EEF1E1: variants seen among roughly 807,000 people sequenced by gnomAD.
The protein encoded by EEF1E1 is eukaryotic translation elongation factor 1 epsilon 1.
Under a neutral mutation model 19.9 loss-of-function variants are expected in EEF1E1, and 19 were observed. The ratio of observed to expected loss-of-function variants is 0.95; its 90% CI spans 0.66 to 1.40. The LOEUF (loss-of-function observed/expected upper bound fraction) is 1.40. Among genes scored for constraint, EEF1E1 ranks in the 40% most tolerant of loss-of-function variants. EEF1E1 has a pLI of 0.00. For missense variants in EEF1E1, 198 were observed against 202.2 expected (o/e 0.98, Z 0.13); for synonymous variants, 81 against 80.0 (o/e 1.01, Z -0.07).
downstream of EEF1E1, among the ~76,000 whole-genome samples, chr6:8,075,880 T>C (rs1016193712): frequency 6.6e-6 from 1 of 152,222 alleles, no homozygotes; most frequent in African/African-American, 2.4e-5. Context: ...TATGTAATAG[T>C]CTAAATCCTT....
chr6:8,090,324 GTAA>G (rs1318439331), intron 2 of EEF1E1, 43 bp from the exon 3 acceptor site: 1 of 1,314,746 alleles, frequency 7.6e-7, no homozygotes, highest in East Asian at 3.1e-5. Flanking sequence ...GTAAAAAACA[GTAA>G]TAATAAAGTT....
chr6:8,079,824 G>C lies in EEF1E1; in HGVS notation c.*66C>G. On this transcript the variant is annotated 3_prime_UTR_variant, in exon 4 of 4. Transcript: ENST00000379715. ...CTGTATATTAATTTACATTAGTCCTGTGGTCTAGAGTACATTTTCCATTTA... is the reference window on the plus strand; with the variant it reads ...CTGTATATTAATTTACATTAGTCCTCTGGTCTAGAGTACATTTTCCATTTA... 3 of 1,522,868 alleles carry C rather than the reference G, an allele frequency of 2.0e-6. No individual in the cohort carries two copies. Among genetic ancestry groups the C allele is most frequent in the Non-Finnish European group, 2.7e-6 (3 of 1,129,886 alleles). The allele number at this position is 1,522,868 out of a possible 1,614,324, so 94.3% of individuals were successfully genotyped here.
chr6:8,095,349 A>T (rs1471002301), intron 2 of EEF1E1: 1 of 425,280 alleles, frequency 2.4e-6, no homozygotes, highest in Non-Finnish European at 4.7e-6. Context: ...AAAAACACAA[A>T]AAAACGAGCC....
intron 2 of EEF1E1, among the ~76,000 whole-genome samples, chr6:8,093,048 T>A (rs1758063275): frequency 6.6e-6 from 1 of 152,128 alleles, no homozygotes; most frequent in African/African-American, 2.4e-5. Context: ...ATTTTTTGTA[T>A]TTTTAGTGGA....
downstream of EEF1E1, among the ~76,000 whole-genome samples, chr6:8,075,509 T>C (rs1242482972): frequency 6.6e-6 from 1 of 152,230 alleles, no homozygotes; most frequent in Non-Finnish European, 1.5e-5. Context: ...GTCTATTCGG[T>C]GTACAACAGC....
chr6:8,078,539 C>G (rs114165363), downstream of EEF1E1: 18 of 663,702 alleles, frequency 2.7e-5, no homozygotes, highest in African/African-American at 3.4e-4. Context: ...CACAAGCCGA[C>G]GGAAAAATGG....
intron 2 of EEF1E1, among the ~76,000 whole-genome samples, chr6:8,093,963 A>T (rs1018644340): frequency 1.3e-5 from 2 of 151,956 alleles, no homozygotes; most frequent in East Asian, 3.9e-4. Context: ...ACGCCCAGCT[A>T]ATTTTTCTGT....
In EEF1E1 at chr6:8,102,514, G is replaced by C; in HGVS notation, c.8C>G (p.Ala3Gly). Residue 3 changes from alanine to glycine, a missense_variant, in exon 1 of 4, where the codon GCG (alanine) becomes GGG (glycine). Physicochemically the swap from Ala to Gly is moderately conservative, Grantham distance 60 (BLOSUM62 0). Coordinates refer to ENST00000379715, the MANE Select transcript of EEF1E1 (RefSeq NM_004280.5). The stretch of plus-strand genomic sequence containing the variant: ...CTCCAGTAGCGACAACTCTGCGGCC[G>C]CCGCCATCTTCCGGCCGTAGCTCCT... MA[A>G]AAELSLLEKS... 6.2e-7 allele frequency: 1 copy of C among 1,610,472 alleles called. No individual in the cohort carries two copies. Among genetic ancestry groups the C allele is most frequent in the Non-Finnish European group, 8.5e-7 (1 of 1,179,880 alleles).
At position 8,079,835 on chromosome 6, in the gene EEF1E1, T is replaced by C. The variant is rs1451816501; in HGVS notation, c.*55A>G. The C allele has an allele frequency of 1.3e-6, 2 of 1,577,042 alleles. No homozygotes were observed. The highest frequency in any genetic ancestry group is 8.6e-7 in the Non-Finnish European group (1 of 1,159,198). ...TTTACATTAGTCCTGTGGTCTAGAG[T>C]ACATTTTCCATTTAAAACATTTTTA... On this transcript the variant is annotated 3_prime_UTR_variant, in exon 4 of 4. Transcript: ENST00000379715.
intron 3 of EEF1E1, 25 bp from the exon 4 acceptor site, chr6:8,080,055 C>T: frequency 2.5e-6 from 4 of 1,610,198 alleles, no homozygotes; most frequent in Non-Finnish European, 3.4e-6. Context: ...AAAACATACA[C>T]ACACAACACA....
intron 3 of EEF1E1, among the ~76,000 whole-genome samples, chr6:8,085,343 G>A (rs1385203107): frequency 5.3e-5 from 8 of 151,644 alleles, no homozygotes; most frequent in African/African-American, 1.2e-4. Context: ...AAATAGAGAC[G>A]GGTTTTGCCC....
At chr6:8,077,677 A>C (rs1445682854), downstream of EEF1E1, among the ~76,000 whole-genome samples, 1 of 152,208 alleles carries the variant, frequency 6.6e-6, no homozygotes, top group Non-Finnish European at 1.5e-5. Context: ...CCCCTGGATT[A>C]AGAGAATGTT....
chr6:8,086,892 G>C (rs1757872076), intron 3 of EEF1E1, among the ~76,000 whole-genome samples: 1 of 152,148 alleles, frequency 6.6e-6, no homozygotes, highest in African/African-American at 2.4e-5. Flanking sequence ...GAGTCAAACA[G>C]CTTATAATTT....
chr6:8,094,394 C>A (rs1365548510), intron 2 of EEF1E1, among the ~76,000 whole-genome samples: 4 of 151,534 alleles, frequency 2.6e-5, no homozygotes, highest in African/African-American at 9.7e-5. Flanking sequence ...GTTAGGAATT[C>A]GAGATCAGCC....
In EEF1E1 at chr6:8,074,181, G is replaced by C. The variant is rs1036686145; in HGVS notation, c.385-671C>G. 5.3e-5 allele frequency among the ~76,000 whole-genome samples: 8 copies of C among 152,266 alleles called. No individual in the cohort carries two copies. The East Asian group carries it at 9.6e-4, about 18-fold the overall frequency. ...GAATGGAAACCACTCGTTCAGCATG[G>C]AGTAGCAAAAACAGGAGCTGGATGC... On this transcript the variant is annotated intron_variant, in intron 3 of 3. Transcript: ENST00000429723.
intron 1 of EEF1E1, among the ~76,000 whole-genome samples, chr6:8,098,499 A>T (rs1758237974): frequency 1.3e-5 from 2 of 152,226 alleles, no homozygotes; most frequent in Non-Finnish European, 2.9e-5. Flanking sequence ...TTGGTGAAGT[A>T]TACAAGGAGA....
intron 3 of EEF1E1, among the ~76,000 whole-genome samples, chr6:8,082,524 C>T (rs574476199): frequency 6.6e-6 from 1 of 152,296 alleles, no homozygotes; most frequent in African/African-American, 2.4e-5. Flanking sequence ...AGTGATCCAC[C>T]AGCCTCGGTC....
intron 2 of EEF1E1, among the ~76,000 whole-genome samples, chr6:8,095,692 G>T (rs1412027035): frequency 6.6e-6 from 1 of 151,946 alleles, no homozygotes; most frequent in Non-Finnish European, 1.5e-5. Flanking sequence ...TCTCTTGTTG[G>T]TGGGACTATG....
intron 3 of EEF1E1, among the ~76,000 whole-genome samples, chr6:8,086,926 G>GT (rs1757872931): frequency 6.6e-6 from 1 of 152,178 alleles, no homozygotes; most frequent in Admixed American, 6.5e-5. Context: ...AAGAATTACA[G>GT]TAAGAGTGAA....
Sources: gnomAD v4.1 joint callset for allele counts (sites outside exome capture counted in the v4.1 genomes callset) on GRCh38, gnomAD v4.1.1 for gene constraint, MANE v1.5 for transcripts, NCBI Gene and HGNC (gene_info 2026-07-23, HGNC 2026-07-21) for gene names.